Variants in FOXN3 observed in about 807,000 individuals in gnomAD.
The protein encoded by FOXN3 is forkhead box N3.
A neutral mutation model predicts 38.4 loss-of-function variants in FOXN3; 7 were observed. That is an observed-to-expected ratio of 0.18 (90% CI 0.10 to 0.34). The LOEUF (loss-of-function observed/expected upper bound fraction) is 0.34. FOXN3 is among the 10% of genes least tolerant of loss of function. The pLI is 1.00. For synonymous variants in FOXN3, 230 were observed against 242.2 expected, an observed-to-expected ratio of 0.95 and a Z score of 0.47; for missense variants, 456 against 613.4, an observed-to-expected ratio of 0.74 and a Z score of 2.71.
intron 2 of FOXN3, among the ~76,000 whole-genome samples, chr14:89,407,653 G>A (rs151287990): frequency 2.0e-5 from 3 of 151,872 alleles, no homozygotes; most frequent in East Asian, 1.9e-4. Flanking sequence ...GCAACATGGC[G>A]AAACCCCGTT....
chr14:89,415,604 CAAAAAAAAAAAAAA>C (rs34026101), intron 1 of FOXN3, among the ~76,000 whole-genome samples: 2 of 54,272 alleles, frequency 3.7e-5, no homozygotes, highest in African/African-American at 5.6e-5. Flanking sequence ...CAACAATAAC[CAAAAAAAAAAAAAA>C]AAAAAAAAAA....
intron 1 of FOXN3, among the ~76,000 whole-genome samples, chr14:89,573,407 C>G (rs927029209): frequency 6.6e-6 from 1 of 152,076 alleles, no homozygotes; most frequent in Non-Finnish European, 1.5e-5. Flanking sequence ...TAATTTAACA[C>G]GAGAAGAGCC....
chr14:89,473,087 C>G (rs1490691598), intron 1 of FOXN3, among the ~76,000 whole-genome samples: 2 of 150,804 alleles, frequency 1.3e-5, no homozygotes, highest in South Asian at 2.1e-4. Context: ...TGCAGTGGCG[C>G]GATCTCAGCT....
In FOXN3 at chr14:89,289,465, G is replaced by A. The variant is rs144085911; in HGVS notation, c.681-8451C>T. On this transcript the variant is annotated intron_variant, in intron 3 of 5. Transcript: ENST00000557258. ...AAAACAGACACTGAGCTTGATTTTT[G>A]GGCAACACTGCGAGGTACTACATAG... Among the ~76,000 whole-genome samples the A allele has an allele frequency of 4.1e-3, 622 of 152,172 alleles. 5 individuals carry two copies. The highest frequency in any genetic ancestry group is 0.014 in the African/African-American group (599 of 41,536).
intron 4 of FOXN3, among the ~76,000 whole-genome samples, chr14:89,224,498 C>T (rs1048713673): frequency 2.0e-5 from 3 of 152,160 alleles, no homozygotes; most frequent in Admixed American, 1.3e-4. Context: ...TGCTTTGGAA[C>T]CCTACCTTGC....
intron 1 of FOXN3, among the ~76,000 whole-genome samples, chr14:89,505,814 C>A (rs1247070877): frequency 6.6e-6 from 1 of 151,714 alleles, no homozygotes; most frequent in Non-Finnish European, 1.5e-5. Flanking sequence ...GGCCACCATC[C>A]CATCTAGGAA....
At chr14:89,173,268 G>A (rs908048155) in intron 5 of FOXN3, among the ~76,000 whole-genome samples, 4 of 152,190 alleles carry the variant, frequency 2.6e-5, no homozygotes, top group South Asian at 2.1e-4. Flanking sequence ...ATACCATTAC[G>A]TACCTACCAG....
chr14:89,505,919 C>A (rs1198520946), intron 1 of FOXN3, among the ~76,000 whole-genome samples: 1 of 147,584 alleles, frequency 6.8e-6, no homozygotes, highest in Non-Finnish European at 1.5e-5. Context: ...CGTCTCTGCC[C>A]GGCCGCCCCG....
chr14:89,387,126 T>C lies in FOXN3; in HGVS notation c.543+24808A>G, dbSNP rs138789459. ...ACAAAAAATTAGCCAGATGTGGTGG[T>C]GTACCTGTAGTCTCAGCTACTCGGG... On this transcript the variant is annotated intron_variant, in intron 2 of 5. Coordinates refer to ENST00000557258, the MANE Select transcript of FOXN3 (RefSeq NM_005197.4). Among the ~76,000 whole-genome samples the C allele has an allele frequency of 4.2e-3, 632 of 152,230 alleles. 3 individuals are homozygous for C. Among genetic ancestry groups the C allele is most frequent in the African/African-American group, 0.014 (594 of 41,546 alleles).
chr14:89,550,248 G>A (rs763435257), intron 1 of FOXN3, among the ~76,000 whole-genome samples: 11 of 152,112 alleles, frequency 7.2e-5, no homozygotes, highest in African/African-American at 1.2e-4. Context: ...GAATCCTTAC[G>A]TGGACCCCAT....
chr14:89,602,363 AAT>A lies in FOXN3; in HGVS notation c.-15+16663_-15+16664del, dbSNP rs1478134351. Among the ~76,000 whole-genome samples, 7 of 152,156 alleles carry A rather than the reference AAT, an allele frequency of 4.6e-5. No individual in the cohort carries two copies. The East Asian group carries it at 9.6e-4, about 21-fold the overall frequency. On this transcript the variant is annotated intron_variant, in intron 1 of 6. Transcript: ENST00000345097. ...TACAATGAGTAAGAGGCAGACCATA[AAT>A]ATGGTCTGCATCCCTAAATATGTCA...
At chr14:89,327,021 G>A (rs528527095) in intron 3 of FOXN3, among the ~76,000 whole-genome samples, 2 of 152,258 alleles carry the variant, frequency 1.3e-5, no homozygotes, top group South Asian at 4.2e-4. Context: ...TGGGGTCTTT[G>A]CTGGTGATTA....
chr14:89,347,272 C>A (rs572143299), intron 3 of FOXN3, among the ~76,000 whole-genome samples: 1 of 152,134 alleles, frequency 6.6e-6, no homozygotes, highest in African/African-American at 2.4e-5. Context: ...TGTGTCCTTA[C>A]AAGAAGGGAA....
At chr14:89,614,232 A>T (rs945600052) in intron 1 of FOXN3, among the ~76,000 whole-genome samples, 1 of 152,252 alleles carries the variant, frequency 6.6e-6, no homozygotes, top group Non-Finnish European at 1.5e-5. Context: ...GACTAATAGA[A>T]TAACAGTGAT....
At chr14:89,165,198 G>T (rs1286779671) in intron 5 of FOXN3, among the ~76,000 whole-genome samples, 2 of 152,168 alleles carry the variant, frequency 1.3e-5, no homozygotes, top group Admixed American at 1.3e-4. Context: ...AATCCTTACA[G>T]ACAGAGCCTG....
At chr14:89,217,331 G>T (rs986977568) in intron 4 of FOXN3, among the ~76,000 whole-genome samples, 1 of 152,066 alleles carries the variant, frequency 6.6e-6, no homozygotes, top group Non-Finnish European at 1.5e-5. Flanking sequence ...TAGAGATGGG[G>T]TCTCTCTATG....
At chr14:89,501,688 C>T (rs563010127) in intron 1 of FOXN3, among the ~76,000 whole-genome samples, 25 of 152,224 alleles carry the variant, frequency 1.6e-4, no homozygotes, top group Non-Finnish European at 3.5e-4. Context: ...AAAGGAAGAA[C>T]AGGGAATGGA....
chr14:89,431,481 G>A (rs1249364507), intron 1 of FOXN3, among the ~76,000 whole-genome samples: 1 of 152,110 alleles, frequency 6.6e-6, no homozygotes. Context: ...AAAGTGCTGG[G>A]ATTACAGGCA....
At chr14:89,331,854 T>G (rs993163402) in intron 3 of FOXN3, among the ~76,000 whole-genome samples, 2 of 146,958 alleles carry the variant, frequency 1.4e-5, no homozygotes, top group Non-Finnish European at 3.1e-5. Flanking sequence ...CCTACATTGA[T>G]TTCATAACCC....
Sources: gnomAD v4.1 joint callset for allele counts (sites outside exome capture counted in the v4.1 genomes callset) on GRCh38, gnomAD v4.1.1 for gene constraint, MANE v1.5 for transcripts, NCBI Gene and HGNC (gene_info 2026-07-23, HGNC 2026-07-21) for gene names.